FAT3: variants seen among roughly 807,000 people sequenced by gnomAD.
The protein encoded by FAT3 is FAT atypical cadherin 3, also known as protocadherin Fat 3.
Under a neutral mutation model 310.2 loss-of-function variants are expected in FAT3, and 95 were observed. That is an observed-to-expected ratio of 0.31 (90% CI 0.26 to 0.36). The LOEUF is 0.36. Among genes scored for constraint, FAT3 ranks in the 10% least tolerant of loss-of-function variants. FAT3 has a pLI of 1.00. For missense variants in FAT3, 5,408 were observed against 5,715.6 expected (o/e 0.95, Z 1.74); for synonymous variants, 2,314 against 2,192.9 (o/e 1.06, Z -1.54).
chr11:92,778,041 A>C (rs1946640112), intron 7 of FAT3, among the ~76,000 whole-genome samples: 1 of 151,944 alleles, frequency 6.6e-6, no homozygotes, highest in Non-Finnish European at 1.5e-5. Flanking sequence ...TCCTTTAGTG[A>C]GGACTATTCT....
intron 1 of FAT3, among the ~76,000 whole-genome samples, chr11:92,256,492 T>C (rs1865322553): frequency 6.6e-6 from 1 of 151,986 alleles, no homozygotes; most frequent in Admixed American, 6.6e-5. Flanking sequence ...GTTATTAATA[T>C]TATGAACAAA....
At chr11:92,611,995 AC>A (rs1940584463) in intron 3 of FAT3, among the ~76,000 whole-genome samples, 1 of 152,088 alleles carries the variant, frequency 6.6e-6, no homozygotes, top group Non-Finnish European at 1.5e-5. Context: ...CCTAATAGCA[AC>A]CCCATTAGGA....
At chr11:92,289,500 T>TACACACACACACACAC (rs10562084) in intron 1 of FAT3, among the ~76,000 whole-genome samples, 1 of 144,230 alleles carries the variant, frequency 6.9e-6, no homozygotes, top group Non-Finnish European at 1.5e-5. Context: ...CCATGATAGA[T>TACACACACACACACAC]ACACACACAC....
intron 4 of FAT3, among the ~76,000 whole-genome samples, chr11:92,714,602 AG>A (rs1407153916): frequency 1.3e-5 from 2 of 152,200 alleles, no homozygotes; most frequent in African/African-American, 4.8e-5. Flanking sequence ...AGAAATCAAA[AG>A]GTCCTGGAAC....
chr11:92,556,829 G>C (rs937456275), intron 3 of FAT3, among the ~76,000 whole-genome samples: 10 of 152,018 alleles, frequency 6.6e-5, no homozygotes, highest in Non-Finnish European at 1.5e-4. Flanking sequence ...AATGCTCCAT[G>C]ATTGCCCAAT....
intron 2 of FAT3, among the ~76,000 whole-genome samples, chr11:92,475,578 C>G (rs996272426): frequency 6.6e-6 from 1 of 151,722 alleles, no homozygotes; most frequent in South Asian, 2.1e-4. Flanking sequence ...CAGTTTCTAA[C>G]ATTAGAAACT....
At chr11:92,427,910 T>G (rs1950672168) in intron 2 of FAT3, among the ~76,000 whole-genome samples, 1 of 152,146 alleles carries the variant, frequency 6.6e-6, no homozygotes, top group South Asian at 2.1e-4. Flanking sequence ...AGTTTCTTCT[T>G]TTCTATTTCT....
At chr11:92,395,617 C>T (rs525841) in intron 2 of FAT3, among the ~76,000 whole-genome samples, 40,780 of 150,308 alleles carry the variant, frequency 0.27, 7,651 homozygotes, top group African/African-American at 0.54. Flanking sequence ...CTCGCTCTGT[C>T]ACCCAGGCCA....
Position 92,562,561 on chromosome 11 carries a change from G to A in FAT3, c.3607+37613G>A, listed in dbSNP as rs1955268813. Among the ~76,000 whole-genome samples, 4 of 152,276 alleles carry A rather than the reference G, an allele frequency of 2.6e-5. No homozygotes were observed. The South Asian group carries it at 8.3e-4, about 32-fold the overall frequency. ...TATGAGGAGATTTATTATGGGAATT[G>A]GCTCACACAATGATGGAGGATAAGA... is the stretch of plus-strand genomic sequence containing the variant. On this transcript the variant is annotated intron_variant, in intron 3 of 27. Transcript: ENST00000525166.
At chr11:92,728,458 G>A (rs1358975751) in intron 4 of FAT3, among the ~76,000 whole-genome samples, 1 of 152,146 alleles carries the variant, frequency 6.6e-6, no homozygotes, top group Non-Finnish European at 1.5e-5. Context: ...AAGAAGTTTA[G>A]ACTTCAGCAG....
At chr11:92,740,042 A>G (rs2676167) in intron 4 of FAT3, among the ~76,000 whole-genome samples, 36,325 of 152,086 alleles carry the variant, frequency 0.24, 5,187 homozygotes, top group African/African-American at 0.4. Flanking sequence ...GTGAGAATAT[A>G]TCCATTAAGC....
chr11:92,442,111 A>ATATATATTTTTT (rs1453396603), intron 2 of FAT3, among the ~76,000 whole-genome samples: 1 of 45,220 alleles, frequency 2.2e-5, no homozygotes, highest in African/African-American at 1.8e-4. Context: ...ATATATATAT[A>ATATATATTTTTT]TTTTTTTTTT....
chr11:92,378,226 G>A (rs1024867975), intron 2 of FAT3, among the ~76,000 whole-genome samples: 1 of 152,168 alleles, frequency 6.6e-6, no homozygotes, highest in Non-Finnish European at 1.5e-5. Flanking sequence ...TCTTATAAAT[G>A]TGGTTATTTC....
At position 92,355,417 on chromosome 11, in the gene FAT3, T is replaced by C. The variant is rs1353229462; in HGVS notation, c.3292+13T>C. 6.3e-7 allele frequency: 1 copy of C among 1,593,698 alleles called. No individual in the cohort carries two copies. The highest frequency in any genetic ancestry group is 8.6e-7 in the Non-Finnish European group (1 of 1,166,408). ...GACGACGAGAGTGGTAAGTGTAATATTTTGTGCCAAGAGTGTTGTTTCACC... is the reference window on the plus strand; with the variant it reads ...GACGACGAGAGTGGTAAGTGTAATACTTTGTGCCAAGAGTGTTGTTTCACC... On this transcript the variant is annotated intron_variant, in intron 2 of 27. Coordinates refer to ENST00000525166, the MANE Select transcript of FAT3 (RefSeq NM_001367949.2).
At chr11:92,522,848 T>G (rs768412509) in intron 2 of FAT3, among the ~76,000 whole-genome samples, 2 of 152,144 alleles carry the variant, frequency 1.3e-5, no homozygotes, top group Non-Finnish European at 2.9e-5. Flanking sequence ...GTTTGCCCAC[T>G]GCGAATATGG....
intron 3 of FAT3, among the ~76,000 whole-genome samples, chr11:92,660,309 G>A (rs900871504): frequency 6.6e-6 from 1 of 152,096 alleles, no homozygotes; most frequent in African/African-American, 2.4e-5. Context: ...GCCTTTAAAT[G>A]CATGAAATAG....
Position 92,800,416 on chromosome 11 carries a change from A to T in FAT3, c.7403A>T (p.Asn2468Ile). 6.2e-7 allele frequency: 1 copy of T among 1,613,980 alleles called. No individual in the cohort carries two copies. Among genetic ancestry groups the T allele is most frequent in the Non-Finnish European group, 8.5e-7 (1 of 1,179,878 alleles). Residue 2468 changes from asparagine (N) to isoleucine (I), a missense_variant, in exon 10 of 28, where the codon AAT (asparagine) becomes ATT (isoleucine). Physicochemically the swap from Asn to Ile is moderately radical, Grantham distance 149. Around this residue, in one of 5 missense-constraint regions of FAT3, gnomAD observed 4,588 missense variants for 4,809.8 expected, o/e 0.95. Coordinates refer to ENST00000525166, the MANE Select transcript of FAT3 (RefSeq NM_001367949.2). ...CGGATGGAGCCTCTGTACAGTCTCA[A>T]TGTGTCTGTCTCTGATGGGTTGTTC... is the stretch of plus-strand genomic sequence containing the variant. The part of the protein sequence containing the change: ...KQRMEPLYSL[N>I]VSVSDGLFTS...
chr11:92,857,121 T>G, intron 19 of FAT3, 93 bp from the exon 20 acceptor site: 7 of 1,573,702 alleles, frequency 4.4e-6, no homozygotes, highest in African/African-American at 1.4e-5. Context: ...TCTTGAGCCA[T>G]TTGTGTGTTC....
intron 1 of FAT3, among the ~76,000 whole-genome samples, chr11:92,291,098 C>T (rs1946678036): frequency 6.6e-6 from 1 of 151,554 alleles, no homozygotes; most frequent in Admixed American, 6.6e-5. Flanking sequence ...CACACACACA[C>T]ACACACACAC....
Sources: gnomAD v4.1 joint callset for allele counts (sites outside exome capture counted in the v4.1 genomes callset) on GRCh38, gnomAD v4.1.1 for gene constraint, gnomAD v4.1.1 regional missense constraint, MANE v1.5 for transcripts, NCBI Gene and HGNC (gene_info 2026-07-23, HGNC 2026-07-21) for gene names.